The following NRG3 variants were observed in gnomAD, a reference collection of about 807,000 sequenced individuals.
NRG3 encodes the protein neuregulin 3, also known as pro-neuregulin-3, membrane-bound isoform.
NRG3 carries 31 observed loss-of-function variants against 66.9 expected under a neutral mutation model. The ratio of observed to expected loss-of-function variants is 0.46; its 90% CI spans 0.35 to 0.63. NRG3 has a LOEUF of 0.63. NRG3 is among the 20% of genes least tolerant of loss of function. NRG3 has a pLI of 0.00. For synonymous variants in NRG3, 393 were observed against 359.4 expected (o/e 1.09, Z -1.06); for missense variants, 910 against 878.9 (o/e 1.04, Z -0.45).
intron 1 of NRG3, among the ~76,000 whole-genome samples, chr10:81,945,279 T>C (rs1036207926): frequency 1.3e-5 from 2 of 152,010 alleles, no homozygotes; most frequent in East Asian, 1.9e-4. Flanking sequence ...CCCTTCCTCC[T>C]CCTTCTTTTT....
At chr10:82,725,470 T>G (rs2057542724) in intron 2 of NRG3, among the ~76,000 whole-genome samples, 2 of 152,220 alleles carry the variant, frequency 1.3e-5, no homozygotes, top group South Asian at 4.1e-4. Context: ...AAGTATAATT[T>G]TCCCCAAGTG....
intron 1 of NRG3, among the ~76,000 whole-genome samples, chr10:82,347,322 G>A (rs931125123): frequency 1.3e-4 from 19 of 151,498 alleles, no homozygotes; most frequent in Non-Finnish European, 2.5e-4. Flanking sequence ...ATTTCGTTAT[G>A]TACCCAGTAG....
intron 2 of NRG3, among the ~76,000 whole-genome samples, chr10:82,728,029 A>G (rs1477062212): frequency 6.6e-6 from 1 of 152,124 alleles, no homozygotes; most frequent in Non-Finnish European, 1.5e-5. Flanking sequence ...ATTTGAAACA[A>G]CTGTATTTAC....
At chr10:82,079,867 C>A (rs1474662097) in intron 1 of NRG3, among the ~76,000 whole-genome samples, 1 of 152,122 alleles carries the variant, frequency 6.6e-6, no homozygotes, top group South Asian at 2.1e-4. Context: ...TGGATTCCGA[C>A]TGAAGGACAT....
chr10:82,717,023 G>A (rs2057013288), intron 2 of NRG3, among the ~76,000 whole-genome samples: 1 of 152,146 alleles, frequency 6.6e-6, no homozygotes, highest in Admixed American at 6.5e-5. Context: ...ATTGGAACTA[G>A]TTATTTACTA....
At chr10:82,737,322 A>C (rs1277237178) in intron 2 of NRG3, among the ~76,000 whole-genome samples, 4 of 152,298 alleles carry the variant, frequency 2.6e-5, no homozygotes, top group South Asian at 2.1e-4. Context: ...TTTGGCTCAC[A>C]ATGAAAGATA....
intron 1 of NRG3, among the ~76,000 whole-genome samples, chr10:82,113,004 C>T (rs2067483575): frequency 6.6e-6 from 1 of 152,064 alleles, no homozygotes; most frequent in African/African-American, 2.4e-5. Flanking sequence ...ATGCTGGCCT[C>T]AGTGTATTGT....
Position 82,045,329 on chromosome 10 carries a change from A to G in NRG3, c.823+169166A>G, listed in dbSNP as rs1306153320. On this transcript the variant is annotated intron_variant, in intron 1 of 8. Coordinates refer to ENST00000372141, the MANE Select transcript of NRG3 (RefSeq NM_001010848.4). ...TCTCTGATGGCCAGTGATGATGAGCATTTTTTCATGTGTCTTTTGGCTGCA... is the reference window on the plus strand; with the variant it reads ...TCTCTGATGGCCAGTGATGATGAGCGTTTTTTCATGTGTCTTTTGGCTGCA... 1.3e-3 allele frequency among the ~76,000 whole-genome samples: 88 copies of G among 69,108 alleles called. 6 individuals carry two copies. Among genetic ancestry groups the G allele is most frequent in the African/African-American group, 3.0e-3 (82 of 27,082 alleles). 45.3% of individuals were successfully genotyped at this position (69,108 alleles called of 152,430 possible). A position where few individuals can be genotyped will look rare whatever the true frequency, so the allele number is the denominator to read the frequency against.
At chr10:82,219,815 C>G (rs893859086) in intron 1 of NRG3, among the ~76,000 whole-genome samples, 2 of 151,914 alleles carry the variant, frequency 1.3e-5, no homozygotes, top group African/African-American at 4.8e-5. Flanking sequence ...AATAGTTCTA[C>G]GTGAATAAAA....
intron 1 of NRG3, among the ~76,000 whole-genome samples, chr10:82,348,125 T>G (rs1215993436): frequency 1.1e-4 from 16 of 151,172 alleles, no homozygotes; most frequent in East Asian, 9.7e-4. Flanking sequence ...GTTAGCTGGT[T>G]ATTTTGCTCG....
chr10:82,115,996 G>A (rs1439947520), intron 1 of NRG3, among the ~76,000 whole-genome samples: 5 of 152,108 alleles, frequency 3.3e-5, no homozygotes, highest in African/African-American at 1.2e-4. Context: ...TTTGACTAAA[G>A]TCAATGGGGG....
At chr10:82,534,313 G>C (rs572064593) in intron 2 of NRG3, among the ~76,000 whole-genome samples, 1 of 151,532 alleles carries the variant, frequency 6.6e-6, no homozygotes, top group Non-Finnish European at 1.5e-5. Context: ...CCAGGCTGGA[G>C]GGCAGTGATG....
intron 1 of NRG3, among the ~76,000 whole-genome samples, chr10:82,072,414 C>T (rs998528638): frequency 3.3e-5 from 5 of 152,134 alleles, no homozygotes; most frequent in Middle Eastern, 6.8e-3. Context: ...TGTTAGAAGC[C>T]GCATATTTAC....
chr10:82,220,340 AC>A (rs1329809981), intron 1 of NRG3, among the ~76,000 whole-genome samples: 1 of 152,132 alleles, frequency 6.6e-6, no homozygotes, highest in Non-Finnish European at 1.5e-5. Flanking sequence ...AGGAAGGCCA[AC>A]TCAAATCCAA....
intron 1 of NRG3, among the ~76,000 whole-genome samples, chr10:82,130,510 A>G (rs959732808): frequency 2.0e-5 from 3 of 152,030 alleles, no homozygotes; most frequent in Non-Finnish European, 4.4e-5. Context: ...GGGTGTGTGG[A>G]TATCTCTTTG....
chr10:82,418,391 T>C (rs886500395), intron 2 of NRG3, among the ~76,000 whole-genome samples: 2 of 145,608 alleles, frequency 1.4e-5, no homozygotes, highest in Non-Finnish European at 3.1e-5. Flanking sequence ...AACCAGTTTA[T>C]GCAAATGTTT....
chr10:82,307,832 G>A (rs2080826364), intron 1 of NRG3, among the ~76,000 whole-genome samples: 1 of 151,302 alleles, frequency 6.6e-6, no homozygotes, highest in South Asian at 2.1e-4. Context: ...TATTTAGATG[G>A]CATCTCTGGA....
chr10:82,087,471 C>T (rs1042109774), intron 1 of NRG3, among the ~76,000 whole-genome samples: 12 of 152,154 alleles, frequency 7.9e-5, no homozygotes, highest in Middle Eastern at 6.8e-3. Flanking sequence ...CACCCTCTCC[C>T]GGCCTCTCAA....
At chr10:82,950,873 A>C (rs996622109) in intron 4 of NRG3, among the ~76,000 whole-genome samples, 2 of 152,206 alleles carry the variant, frequency 1.3e-5, no homozygotes, top group Admixed American at 6.5e-5. Flanking sequence ...ACAAGGTATG[A>C]CCTTGGTAAT....
Sources: allele counts gnomAD v4.1 joint callset (sites outside exome capture counted in the v4.1 genomes callset), GRCh38; gene constraint gnomAD v4.1.1; transcripts MANE v1.5; gene names NCBI Gene and HGNC (gene_info 2026-07-23, HGNC 2026-07-21).